The following CSMD1 variants were observed in gnomAD, a reference collection of about 807,000 sequenced individuals.
CSMD1 encodes the protein CUB and sushi domain-containing protein 1.
In CSMD1, 213 loss-of-function variants were observed where a neutral mutation model predicts 417.5. The observed-to-expected ratio is 0.51, with a 90% CI of 0.46 to 0.57. The LOEUF (loss-of-function observed/expected upper bound fraction) is 0.57, where lower values mean the gene tolerates loss of function less well. CSMD1 is among the 20% of genes least tolerant of loss of function. CSMD1 has a pLI of 0.00. For synonymous variants in CSMD1, 2,862 were observed against 1,736.8 expected, an observed-to-expected ratio of 1.65 and a Z score of -16.11; for missense variants, 6,923 against 4,529.7, an observed-to-expected ratio of 1.53 and a Z score of -15.17.
chr8:4,772,256 T>C (rs1373127820), intron 1 of CSMD1, among the ~76,000 whole-genome samples: 2 of 152,152 alleles, frequency 1.3e-5, no homozygotes, highest in Non-Finnish European at 2.9e-5. Flanking sequence ...TCCTCTATCC[T>C]AAAAGTCAGC....
chr8:4,181,923 T>A (rs532268399), intron 3 of CSMD1, among the ~76,000 whole-genome samples: 3 of 149,608 alleles, frequency 2.0e-5, no homozygotes, highest in African/African-American at 7.4e-5. Flanking sequence ...AAGTACTTAG[T>A]ACTTTGCTAG....
intron 2 of CSMD1, among the ~76,000 whole-genome samples, chr8:4,601,470 T>C (rs947177012): frequency 6.6e-6 from 1 of 152,112 alleles, no homozygotes; most frequent in Non-Finnish European, 1.5e-5. Context: ...AATGTTAAGT[T>C]GGTAGGACAG....
chr8:4,677,212 G>C (rs1805751996), intron 1 of CSMD1, among the ~76,000 whole-genome samples: 1 of 150,710 alleles, frequency 6.6e-6, no homozygotes, highest in African/African-American at 2.4e-5. Context: ...TAGTTCTTAA[G>C]TTACTGTAGA....
At chr8:3,956,803 G>T (rs1317450795) in intron 5 of CSMD1, among the ~76,000 whole-genome samples, 1 of 152,120 alleles carries the variant, frequency 6.6e-6, no homozygotes, top group Non-Finnish European at 1.5e-5. Flanking sequence ...GAGCTTGAAG[G>T]ACACCCAGCC....
intron 5 of CSMD1, among the ~76,000 whole-genome samples, chr8:3,854,133 T>C (rs898714210): frequency 7.3e-6 from 1 of 137,922 alleles, no homozygotes; most frequent in African/African-American, 2.9e-5. Flanking sequence ...CTTATATATA[T>C]AAACTCTATT....
chr8:4,256,751 A>G (rs1234734466), intron 3 of CSMD1, among the ~76,000 whole-genome samples: 3 of 152,154 alleles, frequency 2.0e-5, no homozygotes, highest in African/African-American at 7.2e-5. Flanking sequence ...AGTGAGGTAC[A>G]GGGCAGTGCC....
intron 3 of CSMD1, among the ~76,000 whole-genome samples, chr8:4,198,415 G>C (rs748030900): frequency 5.3e-5 from 8 of 152,152 alleles, no homozygotes; most frequent in African/African-American, 1.2e-4. Context: ...TTTCAGATTG[G>C]CAATATAGAT....
chr8:4,833,940 G>A (rs1031752353), intron 1 of CSMD1, among the ~76,000 whole-genome samples: 3 of 152,102 alleles, frequency 2.0e-5, no homozygotes, highest in Admixed American at 6.6e-5. Context: ...TTCCACAGCG[G>A]CCCCTGACTA....
chr8:3,500,590 T>C (rs753784171), intron 10 of CSMD1, among the ~76,000 whole-genome samples: 3 of 152,096 alleles, frequency 2.0e-5, no homozygotes, highest in Admixed American at 6.5e-5. Context: ...GAAAAAAGAA[T>C]CTGTGGTAGG....
chr8:4,051,308 C>CAAAAAAAAGAAAAAAAAAAAAA (rs1798412127), intron 3 of CSMD1, among the ~76,000 whole-genome samples: 7 of 140,546 alleles, frequency 5.0e-5, no homozygotes, highest in Admixed American at 1.4e-4. Flanking sequence ...TTTGAAGACT[C>CAAAAAAAAGAAAAAAAAAAAAA]AAAAAAAAAA....
intron 2 of CSMD1, among the ~76,000 whole-genome samples, chr8:4,440,992 A>AT (rs948815694): frequency 1.7e-4 from 23 of 135,444 alleles, no homozygotes; most frequent in African/African-American, 5.8e-4. Flanking sequence ...GTGAGACTCT[A>AT]TCTCAAAAAA....
At chr8:4,065,692 G>C (rs577167671) in intron 3 of CSMD1, among the ~76,000 whole-genome samples, 8 of 152,260 alleles carry the variant, frequency 5.3e-5, no homozygotes, top group African/African-American at 9.6e-5. Context: ...TCAAAAGTAG[G>C]AACACCACAT....
chr8:3,189,944 G>A lies in CSMD1; in HGVS notation c.5366C>T (p.Ala1789Val). ...LHCQSVPNAL[A>V]QWNDTIPSCV... ...GCTGGGGATCGTGTCGTTCCACTGTGCCAAGGCGTTGGGCACGGACTGGCA... is the reference window on the plus strand; with the variant it reads ...GCTGGGGATCGTGTCGTTCCACTGTACCAAGGCGTTGGGCACGGACTGGCA... Residue 1789 changes from alanine to valine, a missense_variant, in exon 34 of 70, where the codon GCA becomes GTA. Coordinates refer to ENST00000635120, the MANE Select transcript of CSMD1 (RefSeq NM_033225.6). 6.3e-7 allele frequency: 1 copy of A among 1,593,184 alleles called. No homozygotes were observed. Among genetic ancestry groups the A allele is most frequent in the Non-Finnish European group, 8.5e-7 (1 of 1,170,222 alleles).
chr8:3,996,128 G>T (rs993662590), intron 5 of CSMD1, among the ~76,000 whole-genome samples: 5 of 152,100 alleles, frequency 3.3e-5, no homozygotes, highest in African/African-American at 1.2e-4. Flanking sequence ...AGTTTCTTTG[G>T]CAAAAGCTGC....
In CSMD1 at chr8:4,637,416, G is replaced by T; in HGVS notation, c.228C>A (p.Thr76=). The change falls in exon 2 of 70, where the codon ACC becomes ACA. Residue 76 remains threonine (T), a synonymous_variant. Transcript: ENST00000635120. ...ERNRIQLSFH[T]FALEEDFDIL... ...TATCAAAATCTTCTTCAAGAGCAAAGGTATGGAAGGACAACTGTATCCTAT... is the reference window on the plus strand; with the variant it reads ...TATCAAAATCTTCTTCAAGAGCAAATGTATGGAAGGACAACTGTATCCTAT... 6.2e-7 allele frequency: 1 copy of T among 1,613,854 alleles called. No individual in the cohort carries two copies. The highest frequency in any genetic ancestry group is 1.1e-5 in the South Asian group (1 of 91,078).
At chr8:3,225,895 G>A (rs1465857555) in intron 27 of CSMD1, among the ~76,000 whole-genome samples, 1 of 152,174 alleles carries the variant, frequency 6.6e-6, no homozygotes, top group Admixed American at 6.5e-5. Flanking sequence ...GCAACTCAGA[G>A]ATGCTAGCAA....
intron 2 of CSMD1, among the ~76,000 whole-genome samples, chr8:4,629,620 G>T (rs1485072551): frequency 6.6e-6 from 1 of 151,972 alleles, no homozygotes; most frequent in South Asian, 2.1e-4. Context: ...AGTTTTATAT[G>T]TGATTTCTAA....
At chr8:3,878,074 T>A (rs1232034921) in intron 5 of CSMD1, among the ~76,000 whole-genome samples, 1 of 152,126 alleles carries the variant, frequency 6.6e-6, no homozygotes, top group African/African-American at 2.4e-5. Flanking sequence ...TGGTCATGCA[T>A]TGAACATTTG....
chr8:3,486,857 A>G (rs1818066490), intron 11 of CSMD1, among the ~76,000 whole-genome samples: 1 of 152,182 alleles, frequency 6.6e-6, no homozygotes, highest in Non-Finnish European at 1.5e-5. Flanking sequence ...CCCTACCAAC[A>G]GGGTTCTTGG....
Sources: allele counts gnomAD v4.1 joint callset (sites outside exome capture counted in the v4.1 genomes callset), GRCh38; gene constraint gnomAD v4.1.1; transcripts MANE v1.5; gene names NCBI Gene and HGNC (gene_info 2026-07-23, HGNC 2026-07-21).